The following OR3A2 variants were observed in gnomAD, a reference collection of about 807,000 sequenced individuals.
OR3A2 encodes olfactory receptor 3A2.
For synonymous variants in OR3A2, 126 were observed against 159.3 expected, an observed-to-expected ratio of 0.79 and a Z score of 1.57; for missense variants, 318 against 392.8, an observed-to-expected ratio of 0.81 and a Z score of 1.61.
At chr17:3,330,125 C>A (rs1447798582) in intron 3 of OR3A2, among the ~76,000 whole-genome samples, 1 of 148,448 alleles carries the variant, frequency 6.7e-6, no homozygotes, top group African/African-American at 2.6e-5. Flanking sequence ...GAGAGCTTTA[C>A]TTCCAAGTAT....
chr17:3,343,903 C>T (rs1252314083), intron 2 of OR3A2, among the ~76,000 whole-genome samples: 4 of 152,292 alleles, frequency 2.6e-5, no homozygotes, highest in Middle Eastern at 3.4e-3. Flanking sequence ...TTCATGCCAA[C>T]CAACACTTGA....
intron 2 of OR3A2, among the ~76,000 whole-genome samples, chr17:3,351,781 T>A (rs1443864519): frequency 1.8e-4 from 27 of 152,064 alleles, no homozygotes; most frequent in Admixed American, 1.3e-3. Flanking sequence ...GACTTCCAAC[T>A]ATACTGCAAG....
chr17:3,365,666 C>T (rs902175655), intron 2 of OR3A2, among the ~76,000 whole-genome samples: 6 of 152,156 alleles, frequency 3.9e-5, no homozygotes, highest in African/African-American at 1.4e-4. Context: ...CTTGAGGTTA[C>T]TGCAGCAGGG....
intron 3 of OR3A2, among the ~76,000 whole-genome samples, chr17:3,301,369 T>G (rs1407559987): frequency 6.6e-6 from 1 of 152,184 alleles, no homozygotes; most frequent in Non-Finnish European, 1.5e-5. Context: ...TCCTGACTTT[T>G]TAATGATTGC....
intron 3 of OR3A2, among the ~76,000 whole-genome samples, chr17:3,329,616 G>C (rs1197015719): frequency 7.2e-6 from 1 of 139,538 alleles, no homozygotes; most frequent in Non-Finnish European, 1.5e-5. Context: ...TTCTTTATTA[G>C]TCTTGCTAGC....
chr17:3,364,182 C>G (rs942164004), intron 2 of OR3A2, among the ~76,000 whole-genome samples: 2 of 152,156 alleles, frequency 1.3e-5, no homozygotes, highest in African/African-American at 4.8e-5. Context: ...ACAGAGGAAG[C>G]AGATAGCCTA....
chr17:3,290,664 G>A (rs2317892), intron 3 of OR3A2, among the ~76,000 whole-genome samples: 12,869 of 152,222 alleles, frequency 0.085, 1,143 homozygotes, highest in East Asian at 0.49. Context: ...AAGATACAGC[G>A]AAATCATGGC....
At chr17:3,341,666 A>T (rs1004182798) in intron 2 of OR3A2, among the ~76,000 whole-genome samples, 6 of 152,132 alleles carry the variant, frequency 3.9e-5, no homozygotes, top group Non-Finnish European at 5.9e-5. Flanking sequence ...TTTGTGGGTA[A>T]CCCGACCTTT....
chr17:3,310,340 A>C (rs138229948), intron 3 of OR3A2: 1 of 534,580 alleles, frequency 1.9e-6, no homozygotes. Flanking sequence ...GGAATGATTC[A>C]GTTGTGACCA....
intron 3 of OR3A2, among the ~76,000 whole-genome samples, chr17:3,332,503 G>A (rs1189320012): frequency 6.6e-6 from 1 of 152,190 alleles, no homozygotes; most frequent in East Asian, 1.9e-4. Context: ...CTCAGAAAGG[G>A]AACTCCCTGA....
At chr17:3,279,702 C>T (rs1228889844) in intron 1 of OR3A2, among the ~76,000 whole-genome samples, 2 of 152,114 alleles carry the variant, frequency 1.3e-5, no homozygotes, top group African/African-American at 4.8e-5. Context: ...GCAGGAGAAT[C>T]GCTTGAACCC....
intron 2 of OR3A2, among the ~76,000 whole-genome samples, chr17:3,381,407 G>A (rs1313335713): frequency 6.6e-6 from 1 of 151,186 alleles, no homozygotes; most frequent in Non-Finnish European, 1.5e-5. Context: ...CCAATTCAAA[G>A]CAGACACCTG....
intron 3 of OR3A2, among the ~76,000 whole-genome samples, chr17:3,298,132 A>G (rs71360919): frequency 0.016 from 2,435 of 152,228 alleles, 26 homozygotes; most frequent in Middle Eastern, 0.075. Context: ...GGAATGGTAG[A>G]CCCTATGAAT....
chr17:3,319,271 G>A (rs575382571), intron 3 of OR3A2, among the ~76,000 whole-genome samples: 54 of 152,262 alleles, frequency 3.5e-4, no homozygotes, highest in African/African-American at 1.2e-3. Context: ...AGATTTATTT[G>A]TAAAGGACTA....
chr17:3,351,834 G>C (rs1375398450), intron 2 of OR3A2, among the ~76,000 whole-genome samples: 5 of 152,030 alleles, frequency 3.3e-5, no homozygotes, highest in Non-Finnish European at 1.5e-5. Flanking sequence ...CCAAAACAGA[G>C]ATATAGATCA....
intron 2 of OR3A2, among the ~76,000 whole-genome samples, chr17:3,363,653 T>G (rs964374062): frequency 1.3e-5 from 2 of 148,190 alleles, no homozygotes; most frequent in Non-Finnish European, 2.9e-5. Flanking sequence ...GATATCTTTA[T>G]AGCAATGCCC....
chr17:3,292,390 A>G, intron 3 of OR3A2: 1 of 1,614,110 alleles, frequency 6.2e-7, no homozygotes, highest in Non-Finnish European at 8.5e-7. Context: ...TTCCCCAGGA[A>G]GAAGTACATG....
At chr17:3,346,500 T>C (rs964410101) in intron 2 of OR3A2, among the ~76,000 whole-genome samples, 2 of 152,114 alleles carry the variant, frequency 1.3e-5, no homozygotes, top group African/African-American at 4.8e-5. Context: ...CGCCTTGCCA[T>C]CCCCTCCAGC....
intron 2 of OR3A2, among the ~76,000 whole-genome samples, chr17:3,381,610 T>C (rs760965781): frequency 6.6e-6 from 1 of 152,206 alleles, no homozygotes; most frequent in Non-Finnish European, 1.5e-5. Context: ...GCAAAGTGTT[T>C]ATAAGCAAAC....
Sources: allele counts gnomAD v4.1 joint callset (sites outside exome capture counted in the v4.1 genomes callset), GRCh38; gene constraint gnomAD v4.1.1; transcripts MANE v1.5; gene names NCBI Gene and HGNC (gene_info 2026-07-23, HGNC 2026-07-21).